Variants in THSD7A observed in about 807,000 individuals in gnomAD.
The protein encoded by THSD7A is thrombospondin type-1 domain-containing protein 7A.
Under a neutral mutation model 231.3 loss-of-function variants are expected in THSD7A, and 96 were observed. The ratio of observed to expected loss-of-function variants is 0.41; its 90% CI spans 0.35 to 0.49. The LOEUF (loss-of-function observed/expected upper bound fraction) is 0.49. Ranked by LOEUF, THSD7A falls within the 20% of genes least tolerant of loss-of-function variation. The pLI, the probability that THSD7A is intolerant of heterozygous loss-of-function variation, is 0.05. For synonymous variants in THSD7A, 940 were observed against 743.3 expected, an observed-to-expected ratio of 1.26 and a Z score of -4.30; for missense variants, 2,290 against 2,070.2, an observed-to-expected ratio of 1.11 and a Z score of -2.06.
intron 17 of THSD7A, chr7:11,413,811 C>G (rs1783869760): frequency 6.6e-6 from 1 of 152,266 alleles, no homozygotes; most frequent in Non-Finnish European, 1.5e-5. Context: ...GTCTAACACC[C>G]AGGGCTCTAC....
At chr7:11,772,580 G>A (rs1783269660) in intron 1 of THSD7A, among the ~76,000 whole-genome samples, 1 of 152,112 alleles carries the variant, frequency 6.6e-6, no homozygotes, top group Non-Finnish European at 1.5e-5. Context: ...GGATGCAGCT[G>A]GAGGCCATTA....
chr7:11,543,205 G>A, intron 4 of THSD7A, 88 bp from the exon 5 acceptor site: 3 of 1,232,896 alleles, frequency 2.4e-6, no homozygotes, highest in Non-Finnish European at 2.3e-6. Context: ...TATGGAAAAG[G>A]AAAATCCTTA....
At position 11,406,238 on chromosome 7, in the gene THSD7A, C is replaced by T; in HGVS notation, c.4237+62G>A. Reference sequence around the variant, plus strand: ...GTAACTTATACTTTATATGCAACCCCTTCACGGCCCTTGTCCTAGGAAAAA... The same window carrying T: ...GTAACTTATACTTTATATGCAACCCTTTCACGGCCCTTGTCCTAGGAAAAA... On this transcript the variant is annotated intron_variant, in intron 22 of 27. Transcript: ENST00000423059. This position sits in a 1 kb window ranked among gnomAD's most constrained non-coding sequence, Gnocchi z 4.7. 3 of 1,510,210 alleles carry T rather than the reference C, an allele frequency of 2.0e-6. No homozygotes were observed. The highest frequency in any genetic ancestry group is 1.3e-5 in the South Asian group (1 of 76,246). The allele number at this position is 1,510,210 out of a possible 1,614,324, so 93.6% of individuals were successfully genotyped here. A position where few individuals can be genotyped will look rare whatever the true frequency, so the allele number is the denominator to read the frequency against.
chr7:11,424,208 A>T lies in THSD7A; in HGVS notation c.3383+488T>A, dbSNP rs115781997. Among the ~76,000 whole-genome samples, 729 of 150,954 alleles carry T rather than the reference A, an allele frequency of 4.8e-3. 9 individuals carry two copies. Among genetic ancestry groups the T allele is most frequent in the African/African-American group, 0.017 (699 of 40,332 alleles). Reference sequence around the variant, plus strand: ...ACTTAATTTTTTTTAATTTAAATTGAGTTAGTGTGGCTAGTGGCTATCCTA... The same window carrying T: ...ACTTAATTTTTTTTAATTTAAATTGTGTTAGTGTGGCTAGTGGCTATCCTA... On this transcript the variant is annotated intron_variant, in intron 16 of 27. Transcript: ENST00000423059.
Position 11,814,285 on chromosome 7 carries a change from T to C in THSD7A, c.190+17472A>G, listed in dbSNP as rs1044375637. ...GTGATTGCATGCTACGTGCATTCTA[T>C]CAAATAAAGCTGTTAAAAGAATGGC... On this transcript the variant is annotated intron_variant, in intron 1 of 27. Transcript: ENST00000423059. This position sits in a 1 kb window ranked among gnomAD's most constrained non-coding sequence, Gnocchi z 5.1. Among the ~76,000 whole-genome samples the C allele has an allele frequency of 2.0e-5, 3 of 152,164 alleles. No homozygotes were observed. The highest frequency in any genetic ancestry group is 2.1e-4 in the South Asian group (1 of 4,824).
chr7:11,751,917 A>C (rs116807008), intron 1 of THSD7A, among the ~76,000 whole-genome samples: 230 of 152,170 alleles, frequency 1.5e-3, no homozygotes, highest in African/African-American at 5.5e-3. Flanking sequence ...CATAATTTTA[A>C]GGCAATCATG....
chr7:11,754,700 A>G (rs980324453), intron 1 of THSD7A, among the ~76,000 whole-genome samples: 1 of 152,064 alleles, frequency 6.6e-6, no homozygotes, highest in Non-Finnish European at 1.5e-5. Context: ...TTCTATTTCA[A>G]TTGTAATGGC....
intron 1 of THSD7A, among the ~76,000 whole-genome samples, chr7:11,807,225 T>C (rs1176212318): frequency 1.3e-5 from 2 of 152,104 alleles, no homozygotes; most frequent in East Asian, 1.9e-4. Flanking sequence ...GTAGATGCCA[T>C]AGGGATCACA....
intron 1 of THSD7A, among the ~76,000 whole-genome samples, chr7:11,646,102 T>C (rs1028467111): frequency 6.6e-6 from 1 of 152,004 alleles, no homozygotes; most frequent in Non-Finnish European, 1.5e-5. Context: ...TTCAAGCTCA[T>C]AAACTCAGAA....
At chr7:11,796,491 T>C (rs1454098475) in intron 1 of THSD7A, among the ~76,000 whole-genome samples, 3 of 152,038 alleles carry the variant, frequency 2.0e-5, no homozygotes, top group Non-Finnish European at 2.9e-5. Flanking sequence ...ATTTTTATTT[T>C]TCTAATATTA....
At chr7:11,558,140 A>C (rs1789926997) in intron 4 of THSD7A, among the ~76,000 whole-genome samples, 1 of 152,118 alleles carries the variant, frequency 6.6e-6, no homozygotes, top group African/African-American at 2.4e-5. Flanking sequence ...TGGGAGGCAA[A>C]AAGAAAACCA....
At chr7:11,448,448 C>T (rs1562617661) in intron 11 of THSD7A, among the ~76,000 whole-genome samples, 1 of 152,068 alleles carries the variant, frequency 6.6e-6, no homozygotes, top group Non-Finnish European at 1.5e-5. Context: ...TCTTAAATGG[C>T]CTCATTCAGA....
intron 1 of THSD7A, among the ~76,000 whole-genome samples, chr7:11,676,200 A>T (rs1189068340): frequency 6.6e-6 from 1 of 152,198 alleles, no homozygotes; most frequent in Non-Finnish European, 1.5e-5. Context: ...AAAACTGACA[A>T]ACAGAAAGCA....
intron 1 of THSD7A, among the ~76,000 whole-genome samples, chr7:11,786,759 TAAA>T (rs58923353): frequency 0.04 from 4,308 of 108,590 alleles, 50 homozygotes; most frequent in Middle Eastern, 0.054. Context: ...AGTATAATAA[TAAA>T]AAAAAAAAAA....
At chr7:11,507,567 A>G (rs1787604771) in intron 6 of THSD7A, among the ~76,000 whole-genome samples, 1 of 149,700 alleles carries the variant, frequency 6.7e-6, no homozygotes, top group African/African-American at 2.5e-5. Flanking sequence ...TTATTGCTCT[A>G]CAAGTTCACT....
chr7:11,626,052 T>A (rs958036396), intron 2 of THSD7A, among the ~76,000 whole-genome samples: 8 of 152,140 alleles, frequency 5.3e-5, no homozygotes, highest in African/African-American at 1.7e-4. Context: ...AAACCTTATT[T>A]CAAGTTCATG....
At chr7:11,687,884 T>C (rs532266202) in intron 1 of THSD7A, among the ~76,000 whole-genome samples, 17 of 151,680 alleles carry the variant, frequency 1.1e-4, no homozygotes, top group Non-Finnish European at 1.8e-4. Context: ...TTTAATTTAA[T>C]TTTATTTTTT....
chr7:11,458,069 T>A (rs1785367043), intron 11 of THSD7A, among the ~76,000 whole-genome samples: 1 of 152,088 alleles, frequency 6.6e-6, no homozygotes. Flanking sequence ...AACAGTGGAA[T>A]GAGTAATTGA....
intron 13 of THSD7A, among the ~76,000 whole-genome samples, chr7:11,437,560 T>C (rs993686493): frequency 5.5e-4 from 84 of 152,088 alleles, no homozygotes; most frequent in African/African-American, 2.0e-3. Flanking sequence ...GCTCTACCTA[T>C]GCTATCAAAT....
Sources: allele counts gnomAD v4.1 joint callset (sites outside exome capture counted in the v4.1 genomes callset), GRCh38; gene constraint gnomAD v4.1.1; non-coding constraint Gnocchi (gnomAD v3.1); transcripts MANE v1.5; gene names NCBI Gene and HGNC (gene_info 2026-07-23, HGNC 2026-07-21).